The following TTLL4 variants were observed in gnomAD, a reference collection of about 807,000 sequenced individuals.
TTLL4 encodes tubulin monoglutamylase TTLL4.
TTLL4 carries 85 observed loss-of-function variants against 122.7 expected under a neutral mutation model. The ratio of observed to expected loss-of-function variants is 0.69; its 90% CI spans 0.58 to 0.83. TTLL4 has a LOEUF of 0.83. TTLL4 is among the 40% of genes least tolerant of loss of function. The pLI is 0.00. For missense variants in TTLL4, 1,363 were observed against 1,488.6 expected (o/e 0.92, Z 1.39); for synonymous variants, 553 against 563.0 (o/e 0.98, Z 0.25).
chr2:218,759,104 C>A (rs1429366740), downstream of TTLL4, among the ~76,000 whole-genome samples: 2 of 151,924 alleles, frequency 1.3e-5, no homozygotes, highest in Non-Finnish European at 2.9e-5. Context: ...ATTAGCTGGG[C>A]ATGGTGGTGC....
chr2:218,736,213 GAT>G (rs1379053882), intron 2 of TTLL4: 1 of 152,206 alleles, frequency 6.6e-6, no homozygotes, highest in Non-Finnish European at 1.5e-5. Context: ...GAGCTCAAGT[GAT>G]CTGCCTGCCT....
At chr2:218,740,433 AG>A in intron 4 of TTLL4, 87 bp from the exon 5 acceptor site, 1 of 1,412,608 alleles carries the variant, frequency 7.1e-7, no homozygotes, top group South Asian at 1.2e-5. Context: ...GGTTGAGCCC[AG>A]GATATTCAAG....
intron 1 of TTLL4, among the ~76,000 whole-genome samples, chr2:218,719,553 G>A (rs1227443571): frequency 6.8e-6 from 1 of 147,434 alleles, no homozygotes. Context: ...AAGGTAGGAG[G>A]AAATGGAAAT....
At chr2:218,750,889 C>G (rs1197305457) in intron 15 of TTLL4, among the ~76,000 whole-genome samples, 1 of 151,810 alleles carries the variant, frequency 6.6e-6, no homozygotes, top group Non-Finnish European at 1.5e-5. Flanking sequence ...TTTTTTCATA[C>G]CACAAAGCAT....
chr2:218,747,991 T>C lies in TTLL4; in HGVS notation c.2379-114T>C. Reference sequence around the variant, plus strand: ...CACACTTCTCAGGCTCTTGTGGCTATGAAAAGATCTGTGTACTTGTTCTAC... The same window carrying C: ...CACACTTCTCAGGCTCTTGTGGCTACGAAAAGATCTGTGTACTTGTTCTAC... On this transcript the variant is annotated intron_variant, in intron 11 of 19. Coordinates refer to ENST00000392102, the MANE Select transcript of TTLL4 (RefSeq NM_014640.5). This position sits in a 1 kb window ranked among gnomAD's most constrained non-coding sequence, Gnocchi z 4.7. 4.2e-6 allele frequency: 6 copies of C among 1,417,844 alleles called. No homozygotes were observed. Among genetic ancestry groups the C allele is most frequent in the Non-Finnish European group, 5.8e-6 (6 of 1,027,368 alleles). 87.8% of individuals were successfully genotyped at this position (1,417,844 alleles called of 1,614,324 possible).
chr2:218,743,821 AG>A (rs1942769347), intron 5 of TTLL4, among the ~76,000 whole-genome samples: 3 of 152,176 alleles, frequency 2.0e-5, no homozygotes, highest in Non-Finnish European at 4.4e-5. Flanking sequence ...CTGGGACTAC[AG>A]GCATGCGCCA....
At chr2:218,714,059 A>G (rs1941788001) in intron 1 of TTLL4, among the ~76,000 whole-genome samples, 1 of 152,188 alleles carries the variant, frequency 6.6e-6, no homozygotes, top group Non-Finnish European at 1.5e-5. Context: ...GGCCTGGGTG[A>G]TGATAGAGTT....
chr2:218,745,390 A>C, intron 6 of TTLL4, 157 bp downstream of exon 6: 1 of 944,092 alleles, frequency 1.1e-6, no homozygotes, highest in South Asian at 1.6e-5. Flanking sequence ...CGTAGGTCTG[A>C]TGCAACCTTT....
intron 2 of TTLL4, chr2:218,736,410 AAGGCTGGCTTAC>A (rs1437098919): frequency 6.6e-6 from 1 of 152,222 alleles, no homozygotes; most frequent in East Asian, 1.9e-4. Context: ...TGAGACCCAG[AAGGCTGGCTTAC>A]AGGTTTTGTA....
intron 2 of TTLL4, among the ~76,000 whole-genome samples, chr2:218,734,545 G>A (rs11896209): frequency 0.49 from 74,391 of 151,944 alleles, 18,842 homozygotes; most frequent in African/African-American, 0.58. Context: ...AGGTCATGTT[G>A]CAGCTGATTT....
At chr2:218,735,342 G>A (rs373534688) in intron 2 of TTLL4, among the ~76,000 whole-genome samples, 74 of 152,184 alleles carry the variant, frequency 4.9e-4, no homozygotes, top group Non-Finnish European at 9.3e-4. Flanking sequence ...GAGGAGGATC[G>A]CTTGAGGCCA....
intron 1 of TTLL4, among the ~76,000 whole-genome samples, chr2:218,721,578 A>G (rs1168296623): frequency 6.6e-6 from 1 of 152,186 alleles, no homozygotes; most frequent in Non-Finnish European, 1.5e-5. Flanking sequence ...TGCCTCACAC[A>G]TTTTGATGAC....
chr2:218,738,667 A>G lies in TTLL4; in HGVS notation c.991A>G (p.Thr331Ala). ...LDDSSDSQDP[T>A]KEIRFTEAVR... ...TGACAGCTCTGATTCCCAGGATCCA[A>G]CTAAGGAGATTCGGTTCACTGAGGC... Residue 331 changes from threonine to alanine, a missense_variant, in exon 3 of 20, where the codon ACT (threonine) becomes GCT (alanine). Physicochemically the swap from Thr to Ala is moderately conservative, Grantham distance 58. Transcript: ENST00000392102. The G allele has an allele frequency of 6.2e-7, 1 of 1,614,212 alleles. No homozygotes were observed. The highest frequency in any genetic ancestry group is 8.5e-7 in the Non-Finnish European group (1 of 1,180,038).
intron 1 of TTLL4, among the ~76,000 whole-genome samples, chr2:218,719,876 C>A (rs1312299184): frequency 6.6e-6 from 1 of 152,174 alleles, no homozygotes; most frequent in Non-Finnish European, 1.5e-5. Flanking sequence ...GAAGGGCACA[C>A]CTTGGAGACA....
chr2:218,730,350 GA>G (rs1469115568), intron 2 of TTLL4, among the ~76,000 whole-genome samples: 19 of 67,848 alleles, frequency 2.8e-4, no homozygotes, highest in African/African-American at 6.9e-4. Flanking sequence ...AAAAAAAAAA[GA>G]AAAAAAATTA....
chr2:218,750,075 G>A lies in TTLL4; in HGVS notation c.2802G>A (p.Leu934=). 6.2e-7 allele frequency: 1 copy of A among 1,614,044 alleles called. No individual in the cohort carries two copies. The highest frequency in any genetic ancestry group is 8.5e-7 in the Non-Finnish European group (1 of 1,179,992). ...AGATGATTCGTGACCTTCTGAATCT[G>A]GCAGGTTTTGTCCTGCCCAATGCAG... ...KGQMIRDLLN[L]AGFVLPNAED... is the part of the protein sequence containing the mutation. The change falls in exon 15 of 20, where the codon CTG becomes CTA. Residue 934 remains leucine, a synonymous_variant. Transcript: ENST00000392102.
chr2:218,732,999 A>C (rs529526689), intron 2 of TTLL4, among the ~76,000 whole-genome samples: 1 of 152,344 alleles, frequency 6.6e-6, no homozygotes, highest in African/African-American at 2.4e-5. Flanking sequence ...TACTCTCTGC[A>C]GAGTATCTGA....
intron 1 of TTLL4, among the ~76,000 whole-genome samples, chr2:218,712,735 G>C (rs1476978687): frequency 6.6e-6 from 1 of 152,064 alleles, no homozygotes; most frequent in Non-Finnish European, 1.5e-5. Flanking sequence ...AGGGTAGGAG[G>C]CTGTGTGTGG....
intron 2 of TTLL4, among the ~76,000 whole-genome samples, chr2:218,735,569 C>G (rs1942494095): frequency 6.6e-6 from 1 of 151,044 alleles, no homozygotes; most frequent in African/African-American, 2.5e-5. Context: ...GCAAGACCCT[C>G]AAAACAAAAC....
Sources: gnomAD v4.1 joint callset for allele counts (sites outside exome capture counted in the v4.1 genomes callset) on GRCh38, gnomAD v4.1.1 for gene constraint, Gnocchi (gnomAD v3.1) non-coding constraint, MANE v1.5 for transcripts, NCBI Gene and HGNC (gene_info 2026-07-23, HGNC 2026-07-21) for gene names.